Variants in ZNF804B observed in about 807,000 individuals in gnomAD.
The protein encoded by ZNF804B is zinc finger 804B.
ZNF804B carries 80 observed loss-of-function variants against 101.4 expected under a neutral mutation model. The observed-to-expected ratio is 0.79, with a 90% CI of 0.66 to 0.95. The LOEUF is 0.95. ZNF804B is among the 40% of genes least tolerant of loss of function. The pLI is 0.00. For synonymous variants in ZNF804B, 622 were observed against 558.8 expected, an observed-to-expected ratio of 1.11 and a Z score of -1.59; for missense variants, 1,673 against 1,561.9, an observed-to-expected ratio of 1.07 and a Z score of -1.20.
chr7:89,095,954 A>G (rs1338253086), intron 1 of ZNF804B, among the ~76,000 whole-genome samples: 1 of 152,026 alleles, frequency 6.6e-6, no homozygotes, highest in African/African-American at 2.4e-5. Flanking sequence ...GATCGAGACC[A>G]TCTTGGCTAA....
Position 89,218,228 on chromosome 7 carries a change from A to G in ZNF804B, c.182A>G (p.Asp61Gly). ...VKANFYCELC[D>G]KQYHKHQEFD... ...GCAAACTTTTACTGTGAATTATGTG[A>G]CAAGCAGTATCACAAACACCAGGAG... is the stretch of plus-strand genomic sequence containing the variant. Residue 61 changes from aspartate (D) to glycine (G), a missense_variant, in exon 2 of 4, where the codon GAC becomes GGC. By Grantham distance (94) the Asp-to-Gly change is moderately conservative. Transcript: ENST00000333190. The G allele has an allele frequency of 6.2e-7, 1 of 1,613,894 alleles. No individual in the cohort carries two copies. The highest frequency in any genetic ancestry group is 8.5e-7 in the Non-Finnish European group (1 of 1,179,862).
At chr7:89,026,098 C>T (rs1283326903) in intron 1 of ZNF804B, among the ~76,000 whole-genome samples, 3 of 152,068 alleles carry the variant, frequency 2.0e-5, no homozygotes, top group African/African-American at 7.2e-5. Context: ...TGCATTAAAT[C>T]CCCGTAATGT....
intron 1 of ZNF804B, among the ~76,000 whole-genome samples, chr7:88,926,943 C>CGGGTG (rs1554346832): frequency 2.1e-5 from 3 of 144,452 alleles, no homozygotes; most frequent in African/African-American, 8.0e-5. Context: ...TGGTGGGGAG[C>CGGGTG]GGGGGGAAAG....
At chr7:88,987,346 G>T (rs1562852000) in intron 1 of ZNF804B, among the ~76,000 whole-genome samples, 1 of 152,112 alleles carries the variant, frequency 6.6e-6, no homozygotes, top group Admixed American at 6.6e-5. Context: ...GTCTCCAGAT[G>T]GGTTAAAAAC....
intron 2 of ZNF804B, among the ~76,000 whole-genome samples, chr7:89,310,085 CAAA>C (rs35079487): frequency 2.2e-4 from 27 of 123,000 alleles, no homozygotes; most frequent in Non-Finnish European, 1.8e-4. Context: ...GTTTTTAAGG[CAAA>C]AAAAAAAAAA....
chr7:88,863,854 G>A (rs921553050), intron 1 of ZNF804B, among the ~76,000 whole-genome samples: 7 of 152,336 alleles, frequency 4.6e-5, no homozygotes, highest in Middle Eastern at 6.8e-3. Context: ...AGACCAGTGT[G>A]GCAGATTTAA....
At chr7:89,171,523 C>T (rs1791237388) in intron 1 of ZNF804B, among the ~76,000 whole-genome samples, 1 of 151,788 alleles carries the variant, frequency 6.6e-6, no homozygotes, top group Non-Finnish European at 1.5e-5. Flanking sequence ...CAATCTCTGC[C>T]TCCCGGGTTC....
chr7:89,011,747 T>A (rs1275796922), intron 1 of ZNF804B, among the ~76,000 whole-genome samples: 41 of 123,876 alleles, frequency 3.3e-4, no homozygotes. Flanking sequence ...TCTGCCCCTA[T>A]GTCTTTGAGA....
chr7:89,321,772 GAATA>G (rs201920025), intron 2 of ZNF804B, among the ~76,000 whole-genome samples: 23,874 of 151,572 alleles, frequency 0.16, 3,200 homozygotes, highest in East Asian at 0.68. Context: ...AATCCTGAAT[GAATA>G]AAAACACAAG....
intron 1 of ZNF804B, among the ~76,000 whole-genome samples, chr7:88,802,160 T>C (rs1272379580): frequency 6.6e-6 from 1 of 152,162 alleles, no homozygotes; most frequent in Non-Finnish European, 1.5e-5. Context: ...CCTTCTGCCA[T>C]GACTGCAAGT....
chr7:89,316,563 G>A (rs1352282520), intron 2 of ZNF804B, among the ~76,000 whole-genome samples: 2 of 152,094 alleles, frequency 1.3e-5, no homozygotes, highest in African/African-American at 4.8e-5. Flanking sequence ...TATGTAAGCT[G>A]AGTCTTCCAC....
At chr7:89,329,396 A>C (rs1406489168) in intron 3 of ZNF804B, among the ~76,000 whole-genome samples, 1 of 151,778 alleles carries the variant, frequency 6.6e-6, no homozygotes, top group East Asian at 1.9e-4. Context: ...TGAATTGACA[A>C]GTGAAAGTTA....
chr7:89,139,260 A>C (rs942493366), intron 1 of ZNF804B, among the ~76,000 whole-genome samples: 3 of 152,154 alleles, frequency 2.0e-5, no homozygotes, highest in Non-Finnish European at 4.4e-5. Flanking sequence ...TTATATCAGC[A>C]TTCAGTAAGT....
chr7:88,857,670 A>C (rs1791585984), intron 1 of ZNF804B, among the ~76,000 whole-genome samples: 1 of 152,102 alleles, frequency 6.6e-6, no homozygotes, highest in Admixed American at 6.6e-5. Context: ...TCACAGCCTC[A>C]TTCTACCAGA....
chr7:88,862,345 A>G (rs1222179598), intron 1 of ZNF804B, among the ~76,000 whole-genome samples: 1 of 152,180 alleles, frequency 6.6e-6, no homozygotes, highest in Non-Finnish European at 1.5e-5. Flanking sequence ...GGAGCTCGCC[A>G]TTTAGCCAAT....
chr7:89,010,489 T>C (rs2116191572), intron 1 of ZNF804B, among the ~76,000 whole-genome samples: 1 of 152,294 alleles, frequency 6.6e-6, no homozygotes, highest in African/African-American at 2.4e-5. Context: ...ACATGAAATT[T>C]CCTTGGAGGG....
intron 1 of ZNF804B, among the ~76,000 whole-genome samples, chr7:88,975,179 T>C (rs973005673): frequency 4.0e-5 from 6 of 151,490 alleles, no homozygotes; most frequent in African/African-American, 1.2e-4. Context: ...ATTCAGTCTG[T>C]GGATGGACAC....
chr7:89,234,179 A>G (rs1045360870), intron 2 of ZNF804B, among the ~76,000 whole-genome samples: 1 of 152,178 alleles, frequency 6.6e-6, no homozygotes, highest in African/African-American at 2.4e-5. Context: ...AAGTAGAGGT[A>G]TTAAAGATAT....
chr7:88,957,350 A>G (rs1348379741), intron 1 of ZNF804B, among the ~76,000 whole-genome samples: 1 of 151,460 alleles, frequency 6.6e-6, no homozygotes, highest in East Asian at 2.0e-4. Context: ...TTTGAACAAT[A>G]CTTCTAGCAT....
Sources: gnomAD v4.1 joint callset for allele counts (sites outside exome capture counted in the v4.1 genomes callset) on GRCh38, gnomAD v4.1.1 for gene constraint, MANE v1.5 for transcripts, NCBI Gene and HGNC (gene_info 2026-07-23, HGNC 2026-07-21) for gene names.